BRDT: variants seen among roughly 807,000 people sequenced by gnomAD.
BRDT encodes bromodomain testis associated.
BRDT carries 77 observed loss-of-function variants against 113.9 expected under a neutral mutation model. The observed-to-expected ratio is 0.68, with a 90% CI of 0.56 to 0.82. BRDT has a LOEUF of 0.82. Among genes scored for constraint, BRDT ranks in the 40% least tolerant of loss-of-function variants. The pLI is 0.00. For synonymous variants in BRDT, 358 were observed against 366.5 expected, an observed-to-expected ratio of 0.98 and a Z score of 0.26; for missense variants, 1,027 against 1,105.4, an observed-to-expected ratio of 0.93 and a Z score of 1.01.
chr1:91,952,899 G>T (rs1458297387), intron 1 of BRDT, among the ~76,000 whole-genome samples: 1 of 152,020 alleles, frequency 6.6e-6, no homozygotes, highest in Non-Finnish European at 1.5e-5. Context: ...AGACTGAAGG[G>T]AGAAGCAAAT....
At chr1:92,012,088 A>C (rs56291539) in intron 18 of BRDT, among the ~76,000 whole-genome samples, 10,161 of 152,110 alleles carry the variant, frequency 0.067, 399 homozygotes, top group African/African-American at 0.096. Context: ...GCAGGCAGAT[A>C]ACTGGAAGTT....
rs771627368 is a variant in BRDT at position 92,005,176 on chromosome 1, C to T, written c.2652C>T (p.Cys884=). 1 of 1,565,644 alleles carries T rather than the reference C, an allele frequency of 6.4e-7. No individual in the cohort carries two copies. Among genetic ancestry groups the T allele is most frequent in the Non-Finnish European group, 8.6e-7 (1 of 1,160,096 alleles). Residue 884 remains cysteine, a synonymous_variant, in exon 18 of 19, where the codon TGC becomes TGT. Transcript: ENST00000399546. The part of the protein sequence containing the change: ...ESFSNKIQNK[C]SGEEQKEHQQ... Reference sequence around the variant, plus strand: ...TTTCAAATAAAATACAAAACAAGTGCTCTGGAGAAGAGCAGAAAGAACATC... The same window carrying T: ...TTTCAAATAAAATACAAAACAAGTGTTCTGGAGAAGAGCAGAAAGAACATC...
Position 91,957,827 on chromosome 1 carries a change from G to GT in BRDT, c.-37-4884dup, listed in dbSNP as rs903952178. ...CTTTTTACTATCTCTATAGTTTTGTGTTTTTTTGTTGTTTTTTGTTTTTGT... is the reference window on the plus strand; with the variant it reads ...CTTTTTACTATCTCTATAGTTTTGTGTTTTTTTTGTTGTTTTTTGTTTTTGT... On this transcript the variant is annotated intron_variant, in intron 1 of 18. Coordinates refer to ENST00000399546, the MANE Select transcript of BRDT (RefSeq NM_207189.4). Among the ~76,000 whole-genome samples, 10 of 151,996 alleles carry GT rather than the reference G, an allele frequency of 6.6e-5. No homozygotes were observed. In the East Asian group the frequency reaches 9.7e-4, roughly 15 times the overall value.
intron 18 of BRDT, among the ~76,000 whole-genome samples, chr1:92,013,654 A>G (rs536550384): frequency 1.3e-5 from 2 of 152,324 alleles, no homozygotes; most frequent in African/African-American, 2.4e-5. Context: ...TTTCGTGATT[A>G]ATATGGCATT....
At chr1:91,992,408 G>C in intron 14 of BRDT, 94 bp downstream of exon 14, 6 of 224,692 alleles carry the variant, frequency 2.7e-5, no homozygotes, top group Non-Finnish European at 4.4e-5. Flanking sequence ...AGCATGAAGA[G>C]AGGCAAAAAA....
chr1:92,007,612 T>C (rs1346422613), intron 18 of BRDT, among the ~76,000 whole-genome samples: 2 of 152,242 alleles, frequency 1.3e-5, no homozygotes, highest in Non-Finnish European at 2.9e-5. Context: ...CTTCATCTCC[T>C]TCATTGACAT....
In BRDT at chr1:91,980,684, A is replaced by G; in HGVS notation, c.1329A>G (p.Val443=). The part of the protein sequence containing the change: ...VHQQLQVLSQ[V]PFRKLNKKKE... The stretch of plus-strand genomic sequence containing the variant: ...AACAGCTCCAGGTTTTGTCCCAAGT[A>G]CCTTTCCGTAAGCTAAATAAAAAGA... The change falls in exon 9 of 19, where the codon GTA becomes GTG. Residue 443 remains valine (V), a synonymous_variant. Coordinates refer to ENST00000399546, the MANE Select transcript of BRDT (RefSeq NM_207189.4). 1 of 1,600,258 alleles carries G rather than the reference A, an allele frequency of 6.2e-7. No homozygotes were observed.
Position 92,005,179 on chromosome 1 carries a change from T to G in BRDT, c.2655T>G (p.Ser885=), listed in dbSNP as rs149455916. The G allele has an allele frequency of 5.1e-6, 8 of 1,569,088 alleles. No individual in the cohort carries two copies. The African/African-American group carries it at 1.1e-4, about 22-fold the overall frequency. ...CAAATAAAATACAAAACAAGTGCTC[T>G]GGAGAAGAGCAGAAAGAACATCAGC... ...SFSNKIQNKC[S]GEEQKEHQQS... is the part of the protein sequence containing the mutation. The change falls in exon 18 of 19, where the codon TCT becomes TCG. Residue 885 remains serine (S), a synonymous_variant. Coordinates refer to ENST00000399546, the MANE Select transcript of BRDT (RefSeq NM_207189.4).
chr1:91,964,504 C>CT (rs1390828027), intron 2 of BRDT, 123 bp from the exon 3 acceptor site: 3 of 628,712 alleles, frequency 4.8e-6, no homozygotes, highest in Admixed American at 4.2e-5. Flanking sequence ...CAGAATATGG[C>CT]TTTTTAAAGA....
At chr1:92,004,164 A>G (rs1687085452) in intron 16 of BRDT, among the ~76,000 whole-genome samples, 1 of 152,188 alleles carries the variant, frequency 6.6e-6, no homozygotes, top group Non-Finnish European at 1.5e-5. Context: ...ATGTCTTAAA[A>G]TAATTGGCAA....
chr1:91,957,828 TTTTTTTGTTG>T (rs1229325685), intron 1 of BRDT, among the ~76,000 whole-genome samples: 1 of 152,028 alleles, frequency 6.6e-6, no homozygotes, highest in African/African-American at 2.4e-5. Flanking sequence ...TAGTTTTGTG[TTTTTTTGTTG>T]TTTTTTGTTT....
At chr1:91,964,558 T>G in intron 2 of BRDT, 69 bp from the exon 3 acceptor site, 1 of 1,019,094 alleles carries the variant, frequency 9.8e-7, no homozygotes, top group Non-Finnish European at 1.3e-6. Flanking sequence ...GTGCATTAAA[T>G]TTCTTTGTGT....
Position 92,002,146 on chromosome 1 carries a change from G to T in BRDT, c.2385G>T (p.Gln795His). Reference sequence around the variant, plus strand: ...AATCTGAATGTCAAGCTCCTGTACAGAAGGTAAAAGTAATTTTTTTTTTCT... The same window carrying T: ...AATCTGAATGTCAAGCTCCTGTACATAAGGTAAAAGTAATTTTTTTTTTCT... ...MLESECQAPVQKDIKIKNADS... is the reference protein window; with the variant it reads ...MLESECQAPVHKDIKIKNADS... Residue 795 changes from glutamine to histidine, a missense_variant, in exon 16 of 19, where the codon CAG becomes CAT. Transcript: ENST00000399546. The T allele has an allele frequency of 1.9e-6, 3 of 1,608,386 alleles. No homozygotes were observed. The highest frequency in any genetic ancestry group is 2.6e-6 in the Non-Finnish European group (3 of 1,175,638).
chr1:91,990,114 A>G (rs1032870391), intron 12 of BRDT, among the ~76,000 whole-genome samples: 1 of 152,184 alleles, frequency 6.6e-6, no homozygotes, highest in African/African-American at 2.4e-5. Flanking sequence ...ACCCAGGATT[A>G]TGACTGGGGA....
At position 91,949,528 on chromosome 1, in the gene BRDT, C is replaced by T. The variant is rs1370902199; in HGVS notation, c.-192C>T. Reference sequence around the variant, plus strand: ...ATACAGGTAACATACAGGTAATGTACCCTCCACAGGGGGTGCTGCCTTAGG... The same window carrying T: ...ATACAGGTAACATACAGGTAATGTATCCTCCACAGGGGGTGCTGCCTTAGG... On this transcript the variant is annotated 5_prime_UTR_variant, in exon 1 of 19. Coordinates refer to ENST00000399546, the MANE Select transcript of BRDT (RefSeq NM_207189.4). 1.3e-5 allele frequency: 2 copies of T among 152,224 alleles called. No individual in the cohort carries two copies. Among genetic ancestry groups the T allele is most frequent in the African/African-American group, 4.8e-5 (2 of 41,442 alleles). 9.4% of individuals were successfully genotyped at this position (152,224 alleles called of 1,614,324 possible).
rs182271341 is a variant in BRDT, at chr1:91,951,473, G to C, written c.-38+1791G>C. Among the ~76,000 whole-genome samples, 314 of 151,852 alleles carry C rather than the reference G, an allele frequency of 2.1e-3. 2 individuals are homozygous for C. The highest frequency in any genetic ancestry group is 7.3e-3 in the African/African-American group (302 of 41,420). On this transcript the variant is annotated intron_variant, in intron 1 of 18. Coordinates refer to ENST00000399546, the MANE Select transcript of BRDT (RefSeq NM_207189.4). Reference sequence around the variant, plus strand: ...GCATAAGGCGGGGCGGCAGGGTGGCGGGGGGGCGTGTATAGATGGAATTAA... The same window carrying C: ...GCATAAGGCGGGGCGGCAGGGTGGCCGGGGGGCGTGTATAGATGGAATTAA...
At chr1:92,013,087 G>A (rs542059974) in intron 18 of BRDT, among the ~76,000 whole-genome samples, 1 of 150,074 alleles carries the variant, frequency 6.7e-6, no homozygotes, top group South Asian at 2.1e-4. Context: ...GCATGGCGGT[G>A]CACATCTGTA....
chr1:91,980,595 TAATTA>T, intron 8 of BRDT, 43 bp from the exon 9 acceptor site: 1 of 1,346,480 alleles, frequency 7.4e-7, no homozygotes, highest in Non-Finnish European at 9.6e-7. Flanking sequence ...CTAGTTTCTT[TAATTA>T]TTTAGAGACA....
chr1:91,976,440 T>G lies in BRDT; in HGVS notation c.618+2T>G. The G allele has an allele frequency of 6.5e-7, 1 of 1,538,368 alleles. No homozygotes were observed. The highest frequency in any genetic ancestry group is 8.7e-7 in the Non-Finnish European group (1 of 1,147,924). ...TCCAGTTCACAAACTGCGGCCCAAG[T>G]AAGTTTGTTGTAGTTTTTAAATCAT... is the stretch of plus-strand genomic sequence containing the variant. On this transcript the variant is annotated splice_donor_variant, in intron 5 of 18. Coordinates refer to ENST00000399546, the MANE Select transcript of BRDT (RefSeq NM_207189.4). LOFTEE classifies it high-confidence loss of function.
Sources: allele counts gnomAD v4.1 joint callset (sites outside exome capture counted in the v4.1 genomes callset), GRCh38; gene constraint gnomAD v4.1.1; transcripts MANE v1.5; gene names NCBI Gene and HGNC (gene_info 2026-07-23, HGNC 2026-07-21).